DPP10: variants seen among roughly 807,000 people sequenced by gnomAD.
DPP10 encodes the protein inactive dipeptidyl peptidase 10.
DPP10 carries 33 observed loss-of-function variants against 120.9 expected under a neutral mutation model. The observed-to-expected ratio is 0.27, with a 90% CI of 0.21 to 0.37. The LOEUF is 0.37. Ranked by LOEUF, DPP10 falls within the 10% of genes least tolerant of loss-of-function variation. The pLI is 1.00. For missense variants in DPP10, 816 were observed against 942.8 expected (o/e 0.87, Z 1.76); for synonymous variants, 337 against 326.1 (o/e 1.03, Z -0.36).
chr2:115,564,420 C>T (rs776914458), intron 5 of DPP10, among the ~76,000 whole-genome samples: 47 of 152,012 alleles, frequency 3.1e-4, no homozygotes, highest in Admixed American at 5.9e-4. Flanking sequence ...CTATTTTTCA[C>T]GGAAATAGAG....
intron 1 of DPP10, among the ~76,000 whole-genome samples, chr2:114,487,937 TAACA>T (rs1681653298): frequency 6.6e-6 from 1 of 152,156 alleles, no homozygotes; most frequent in South Asian, 2.1e-4. Flanking sequence ...TTACATGCAC[TAACA>T]AACAGAAAAC....
chr2:115,579,545 G>C (rs183327185), intron 5 of DPP10: 1 of 152,284 alleles, frequency 6.6e-6, no homozygotes, highest in African/African-American at 2.4e-5. Context: ...AACTGCTTCT[G>C]AGTACACCCT....
At chr2:115,505,550 G>A (rs2076896486) in intron 4 of DPP10, among the ~76,000 whole-genome samples, 1 of 152,088 alleles carries the variant, frequency 6.6e-6, no homozygotes, top group South Asian at 2.1e-4. Flanking sequence ...TTCCTGAGAG[G>A]TCAGCTCTCT....
Position 114,741,719 on chromosome 2 carries a change from T to G in DPP10, c.60+298881T>G, listed in dbSNP as rs77125217. ...CTTATAAGAAGAGGAGAACACCACGTGAACATAGAAACACACAGGGAGAAT... is the reference window on the plus strand; with the variant it reads ...CTTATAAGAAGAGGAGAACACCACGGGAACATAGAAACACACAGGGAGAAT... On this transcript the variant is annotated intron_variant, in intron 1 of 25. Coordinates refer to ENST00000410059, the MANE Select transcript of DPP10 (RefSeq NM_020868.6). Among the ~76,000 whole-genome samples the G allele has an allele frequency of 7.6e-4, 116 of 152,230 alleles. 3 individuals are homozygous for G. The East Asian group carries it at 0.018, about 24-fold the overall frequency.
intron 5 of DPP10, among the ~76,000 whole-genome samples, chr2:115,683,601 G>A (rs967371238): frequency 1.1e-4 from 16 of 151,768 alleles, no homozygotes; most frequent in African/African-American, 3.6e-4. Flanking sequence ...GGAGGCAGAG[G>A]TATGTGAGTA....
intron 1 of DPP10, among the ~76,000 whole-genome samples, chr2:114,861,811 T>C (rs1689828129): frequency 6.6e-6 from 1 of 152,202 alleles, no homozygotes; most frequent in Non-Finnish European, 1.5e-5. Flanking sequence ...CAAAGTAACA[T>C]TGGGCCAGTT....
At position 115,539,802 on chromosome 2, in the gene DPP10, C is replaced by T. The variant is rs574616945; in HGVS notation, c.441+13830C>T. On this transcript the variant is annotated intron_variant, in intron 5 of 25. Transcript: ENST00000410059. ...TAACAGTAATAATTCTTAGTAGAAACAGAAAACTTCAAGTTAAAAAAAAAA... is the reference window on the plus strand; with the variant it reads ...TAACAGTAATAATTCTTAGTAGAAATAGAAAACTTCAAGTTAAAAAAAAAA... Among the ~76,000 whole-genome samples the T allele has an allele frequency of 9.7e-5, 14 of 144,390 alleles. No individual in the cohort carries two copies. In the South Asian group the frequency reaches 3.0e-3, roughly 31 times the overall value. The allele number at this position is 144,390 out of a possible 152,430, so 94.7% of individuals were successfully genotyped here.
chr2:115,326,276 A>G (rs1019741693), intron 2 of DPP10, among the ~76,000 whole-genome samples: 1 of 152,048 alleles, frequency 6.6e-6, no homozygotes, highest in African/African-American at 2.4e-5. Flanking sequence ...CTTATCCCCT[A>G]GTGACACAAC....
chr2:115,491,936 C>T (rs1051100457), intron 3 of DPP10, among the ~76,000 whole-genome samples: 1 of 152,102 alleles, frequency 6.6e-6, no homozygotes, highest in African/African-American at 2.4e-5. Context: ...ACTGACCCAG[C>T]AGGATTCTTG....
At chr2:115,115,126 AC>A (rs2049432799) in intron 1 of DPP10, among the ~76,000 whole-genome samples, 1 of 151,800 alleles carries the variant, frequency 6.6e-6, no homozygotes, top group Non-Finnish European at 1.5e-5. Context: ...TCGGAGACCT[AC>A]GGGGAGGTTT....
intron 3 of DPP10, among the ~76,000 whole-genome samples, chr2:115,381,132 A>T (rs763290148): frequency 1.1e-4 from 16 of 152,100 alleles, no homozygotes; most frequent in African/African-American, 3.9e-4. Context: ...CTCCTGGATA[A>T]TATCCTGCAG....
intron 9 of DPP10, among the ~76,000 whole-genome samples, chr2:115,741,483 T>A (rs899253369): frequency 1.3e-5 from 2 of 151,852 alleles, no homozygotes. Context: ...CACTATTTTT[T>A]CCCCCAGAGA....
rs574514748 is a variant in DPP10 at position 114,537,991 on chromosome 2, C to T, written c.60+95153C>T. Among the ~76,000 whole-genome samples, 3 of 152,342 alleles carry T rather than the reference C, an allele frequency of 2.0e-5. No homozygotes were observed. The East Asian group carries it at 5.8e-4, about 29-fold the overall frequency. On this transcript the variant is annotated intron_variant, in intron 1 of 25. Coordinates refer to ENST00000410059, the MANE Select transcript of DPP10 (RefSeq NM_020868.6). Reference sequence around the variant, plus strand: ...TCTTAAGAGGACACAGAAAGGCCAACTGGGAAATCCCTTAACACTAGTTCA... The same window carrying T: ...TCTTAAGAGGACACAGAAAGGCCAATTGGGAAATCCCTTAACACTAGTTCA...
intron 3 of DPP10, among the ~76,000 whole-genome samples, chr2:115,436,400 A>T (rs1456693845): frequency 6.7e-6 from 1 of 150,106 alleles, no homozygotes; most frequent in African/African-American, 2.4e-5. Context: ...TTGCAAAAAG[A>T]TTTTTTTTTT....
chr2:115,584,075 G>C (rs1352730596), intron 5 of DPP10, among the ~76,000 whole-genome samples: 1 of 152,154 alleles, frequency 6.6e-6, no homozygotes, highest in Non-Finnish European at 1.5e-5. Context: ...TATCTACTAA[G>C]TTTCCTAAGA....
chr2:114,953,980 G>A (rs1402205392), intron 1 of DPP10, among the ~76,000 whole-genome samples: 5 of 151,896 alleles, frequency 3.3e-5, no homozygotes, highest in African/African-American at 1.2e-4. Context: ...TTATTTGCAT[G>A]GGTCAAGACT....
intron 1 of DPP10, among the ~76,000 whole-genome samples, chr2:115,085,955 G>A (rs914273872): frequency 6.6e-6 from 1 of 152,092 alleles, no homozygotes; most frequent in Non-Finnish European, 1.5e-5. Context: ...CATCAGGTGG[G>A]TACCCTATAT....
intron 1 of DPP10, among the ~76,000 whole-genome samples, chr2:114,781,827 T>C (rs918707793): frequency 5.9e-5 from 9 of 152,164 alleles, no homozygotes; most frequent in African/African-American, 2.2e-4. Context: ...TGCTCATTTA[T>C]TGAAAAGGAC....
chr2:115,834,271 A>G (rs539888222), intron 21 of DPP10, among the ~76,000 whole-genome samples: 1 of 152,348 alleles, frequency 6.6e-6, no homozygotes, highest in East Asian at 1.9e-4. Flanking sequence ...TCTTACTTCA[A>G]GAGTTTAGTG....
Sources: gnomAD v4.1 joint callset for allele counts (sites outside exome capture counted in the v4.1 genomes callset) on GRCh38, gnomAD v4.1.1 for gene constraint, MANE v1.5 for transcripts, NCBI Gene and HGNC (gene_info 2026-07-23, HGNC 2026-07-21) for gene names.